Variants in WDR25 observed in about 807,000 individuals in gnomAD.
WDR25 encodes the protein WD repeat-containing protein 25.
WDR25 carries 35 observed loss-of-function variants against 47.7 expected under a neutral mutation model. The observed-to-expected ratio is 0.73, with a 90% CI of 0.56 to 0.97. The LOEUF is 0.97. Ranked by LOEUF, WDR25 falls within the 50% of genes least tolerant of loss-of-function variation. The pLI is 0.00. For missense variants in WDR25, 634 were observed against 704.7 expected (o/e 0.90, Z 1.14); for synonymous variants, 248 against 278.9 (o/e 0.89, Z 1.10).
intron 3 of WDR25, chr14:100,476,606 A>G (rs1900025972): frequency 6.6e-6 from 1 of 152,202 alleles, no homozygotes. Context: ...GCTGGCCTTG[A>G]GATTAGACAG....
At chr14:100,516,685 A>G (rs1387245120) in intron 4 of WDR25, among the ~76,000 whole-genome samples, 1 of 152,108 alleles carries the variant, frequency 6.6e-6, no homozygotes, top group Non-Finnish European at 1.5e-5. Flanking sequence ...TGGTCACTTC[A>G]GCCCTCATTT....
At chr14:100,403,121 C>G (rs554482564) in intron 2 of WDR25, among the ~76,000 whole-genome samples, 1 of 152,156 alleles carries the variant, frequency 6.6e-6, no homozygotes, top group Non-Finnish European at 1.5e-5. Context: ...AGCTTCCTCT[C>G]GGGGAAGAGA....
chr14:100,527,611 A>T (rs1374948630), intron 5 of WDR25, among the ~76,000 whole-genome samples: 2 of 152,054 alleles, frequency 1.3e-5, no homozygotes, highest in Non-Finnish European at 2.9e-5. Flanking sequence ...CCTTGTGGGG[A>T]GCTGGAGGGG....
chr14:100,440,684 T>C lies in WDR25; in HGVS notation c.823-27337T>C, dbSNP rs550403288. 1.3e-5 allele frequency among the ~76,000 whole-genome samples: 2 copies of C among 152,386 alleles called. No homozygotes were observed. Among genetic ancestry groups the C allele is most frequent in the Admixed American group, 6.5e-5 (1 of 15,306 alleles). ...AGTCTCATTCCCTGTTTTTATTCCCTTCTTTTATTTAGGGAGAGCCAGAGC... is the reference window on the plus strand; with the variant it reads ...AGTCTCATTCCCTGTTTTTATTCCCCTCTTTTATTTAGGGAGAGCCAGAGC... On this transcript the variant is annotated intron_variant, in intron 2 of 6. Coordinates refer to ENST00000402312, the MANE Select transcript of WDR25 (RefSeq NM_001161476.3). The surrounding 1 kb of genome is among the most constrained non-coding windows in gnomAD (Gnocchi z 4.4).
intron 4 of WDR25, among the ~76,000 whole-genome samples, chr14:100,491,389 C>T (rs910781399): frequency 1.3e-5 from 2 of 152,204 alleles, no homozygotes; most frequent in African/African-American, 2.4e-5. Context: ...CAGTCATGCA[C>T]CACATAATGA....
At chr14:100,509,885 C>T (rs949742333) in intron 4 of WDR25, among the ~76,000 whole-genome samples, 24 of 151,832 alleles carry the variant, frequency 1.6e-4, no homozygotes, top group Admixed American at 1.6e-3. Flanking sequence ...GTGCCTTTAC[C>T]TCTCTGTGGA....
intron 2 of WDR25, among the ~76,000 whole-genome samples, chr14:100,419,803 C>T (rs2140209670): frequency 6.6e-6 from 1 of 152,314 alleles, no homozygotes; most frequent in South Asian, 2.1e-4. Flanking sequence ...GCAGTTCATG[C>T]CCCTGGCCCA....
chr14:100,438,526 C>T (rs976635620), intron 2 of WDR25, among the ~76,000 whole-genome samples: 63 of 152,330 alleles, frequency 4.1e-4, no homozygotes, highest in African/African-American at 1.2e-3. Context: ...TTTTATTGAA[C>T]GCCCACTCTG....
rs188762466 is a variant in WDR25 at position 100,418,622 on chromosome 14, C to T, written c.822+36876C>T. Among the ~76,000 whole-genome samples the T allele has an allele frequency of 2.3e-3, 323 of 143,488 alleles. 8 individuals carry two copies. The East Asian group carries it at 0.054, about 24-fold the overall frequency. 94.1% of individuals were successfully genotyped at this position (143,488 alleles called of 152,430 possible). ...ACTGCACTCTAGCCTGGCGACTGAG[C>T]GAGACTCCGTCTCAAAAAAAAAAAA... On this transcript the variant is annotated intron_variant, in intron 2 of 6. Coordinates refer to ENST00000402312, the MANE Select transcript of WDR25 (RefSeq NM_001161476.3).
intron 3 of WDR25, among the ~76,000 whole-genome samples, chr14:100,474,056 G>A (rs1407994736): frequency 6.6e-6 from 1 of 152,226 alleles, no homozygotes; most frequent in East Asian, 1.9e-4. Context: ...AGCGAGGTCT[G>A]AGCTGATGAG....
intron 4 of WDR25, among the ~76,000 whole-genome samples, chr14:100,509,986 G>A (rs1038863353): frequency 1.3e-5 from 2 of 149,166 alleles, no homozygotes; most frequent in Non-Finnish European, 1.5e-5. Flanking sequence ...AAAATTTTTT[G>A]TAGGCTGGTT....
chr14:100,501,229 A>C (rs986630472), intron 4 of WDR25, among the ~76,000 whole-genome samples: 5 of 152,158 alleles, frequency 3.3e-5, no homozygotes, highest in African/African-American at 1.2e-4. Context: ...CAACTTTCCC[A>C]AAGTGGTCAC....
rs1012611090 is a variant in WDR25 at position 100,488,241 on chromosome 14, G to A, written c.1101+4117G>A. On this transcript the variant is annotated intron_variant, in intron 4 of 6. Transcript: ENST00000402312. The surrounding 1 kb of genome is among the most constrained non-coding windows in gnomAD (Gnocchi z 4.2). ...TGTGTTCTGCACAAGCCAGCTGTGC[G>A]TACTTACTTGAAACTGGCTTCCTGC... 6.6e-6 allele frequency among the ~76,000 whole-genome samples: 1 copy of A among 152,132 alleles called. No individual in the cohort carries two copies. The highest frequency in any genetic ancestry group is 2.4e-5 in the African/African-American group (1 of 41,430).
intron 4 of WDR25, among the ~76,000 whole-genome samples, chr14:100,509,233 CA>C (rs1052880551): frequency 6.6e-6 from 1 of 152,108 alleles, no homozygotes; most frequent in East Asian, 1.9e-4. Flanking sequence ...TATTGAATCA[CA>C]AAAAAAATTA....
At chr14:100,474,275 G>C (rs1252439004) in intron 3 of WDR25, among the ~76,000 whole-genome samples, 1 of 152,100 alleles carries the variant, frequency 6.6e-6, no homozygotes, top group Non-Finnish European at 1.5e-5. Flanking sequence ...CCCTAGTTAC[G>C]GATATTAAAT....
chr14:100,383,291 G>T (rs373310402), intron 2 of WDR25, among the ~76,000 whole-genome samples: 1 of 152,208 alleles, frequency 6.6e-6, no homozygotes. Flanking sequence ...GCTGTGAAGT[G>T]TGCGCGGAGG....
At chr14:100,520,297 ATTTTC>A (rs1901674740) in intron 4 of WDR25, among the ~76,000 whole-genome samples, 1 of 151,858 alleles carries the variant, frequency 6.6e-6, no homozygotes, top group African/African-American at 2.4e-5. Flanking sequence ...GGATTACAGA[ATTTTC>A]TTTACTTTTT....
intron 2 of WDR25, chr14:100,382,220 C>T (rs1431321170): frequency 7.1e-6 from 5 of 702,614 alleles, no homozygotes; most frequent in African/African-American, 1.7e-5. Context: ...AGTACACAGA[C>T]TCAACCCTGA....
chr14:100,529,630 G>A lies in WDR25; in HGVS notation c.1414-190G>A, dbSNP rs1461838223. On this transcript the variant is annotated intron_variant, in intron 6 of 6. Transcript: ENST00000402312. This position sits in a 1 kb window ranked among gnomAD's most constrained non-coding sequence, Gnocchi z 5.1. The stretch of plus-strand genomic sequence containing the variant: ...CCGCTGGATCTGCTGAACTGGCCTT[G>A]GGATGTGGGCCCGCATCAGGGCTCT... The A allele has an allele frequency of 8.8e-5, 58 of 658,826 alleles. No individual in the cohort carries two copies. The highest frequency in any genetic ancestry group is 4.7e-4 in the East Asian group (17 of 36,336). The allele number at this position is 658,826 out of a possible 1,614,324, so 40.8% of individuals were successfully genotyped here.
Sources: allele counts gnomAD v4.1 joint callset (sites outside exome capture counted in the v4.1 genomes callset), GRCh38; gene constraint gnomAD v4.1.1; non-coding constraint Gnocchi (gnomAD v3.1); transcripts MANE v1.5; gene names NCBI Gene and HGNC (gene_info 2026-07-23, HGNC 2026-07-21).